The following HK1 variants were observed in gnomAD, a reference collection of about 807,000 sequenced individuals.
HK1 encodes the protein hexokinase 1.
Under a neutral mutation model 91.6 loss-of-function variants are expected in HK1, and 28 were observed. The ratio of observed to expected loss-of-function variants is 0.31; its 90% confidence interval spans 0.23 to 0.42. HK1 has a LOEUF of 0.42. Among genes scored for constraint, HK1 ranks in the 10% least tolerant of loss-of-function variants. The pLI, the probability that HK1 is intolerant of heterozygous loss-of-function variation, is 1.00. For missense variants in HK1, 770 were observed against 1,219.8 expected (o/e 0.63, Z 5.49); for synonymous variants, 430 against 468.1 (o/e 0.92, Z 1.05).
intron 1 of HK1, among the ~76,000 whole-genome samples, chr10:69,322,921 G>A (rs1224277433): frequency 2.0e-5 from 3 of 148,596 alleles, no homozygotes; most frequent in African/African-American, 7.4e-5. Flanking sequence ...ATTCATTATT[G>A]CTCAGGGGTG....
chr10:69,303,193 T>TG (rs983225397), intron 5 of HK1, among the ~76,000 whole-genome samples: 3 of 147,046 alleles, frequency 2.0e-5, no homozygotes, highest in African/African-American at 7.7e-5. Flanking sequence ...GGTAATGTGG[T>TG]GGGGGGAGGG....
At chr10:69,325,495 T>G (rs567712395) in intron 1 of HK1, among the ~76,000 whole-genome samples, 1 of 151,734 alleles carries the variant, frequency 6.6e-6, no homozygotes. Context: ...GTAGCTGGGA[T>G]TACAGGCACC....
rs377549668 is a variant in HK1 at position 69,386,447 on chromosome 10, T to C, written c.1935+29T>C. 12 of 1,549,216 alleles carry C rather than the reference T, an allele frequency of 7.7e-6. No individual in the cohort carries two copies. In the African/African-American group the frequency reaches 1.6e-4, roughly 21 times the overall value. Reference sequence around the variant, plus strand: ...ACTATTAAAAGAATGTTTTTTAAAATCTTTACTGTTTTAGGGGCTTCTAAA... The same window carrying C: ...ACTATTAAAAGAATGTTTTTTAAAACCTTTACTGTTTTAGGGGCTTCTAAA... On this transcript the variant is annotated intron_variant, in intron 13 of 17. Transcript: ENST00000359426.
At chr10:69,285,295 G>T (rs1038445556) in intron 2 of HK1, among the ~76,000 whole-genome samples, 1 of 152,042 alleles carries the variant, frequency 6.6e-6, no homozygotes, top group East Asian at 2.0e-4. Context: ...GAGGTGGCGG[G>T]CGCCTGTAGT....
intron 3 of HK1, chr10:69,292,358 C>A (rs1211273080): frequency 2.2e-6 from 1 of 444,962 alleles, no homozygotes; most frequent in Admixed American, 2.5e-5. Context: ...CAGGTATGAG[C>A]CACTGCACCC....
rs1235470236 is a variant in HK1, at chr10:69,300,658, C to T, written c.-66-111C>T. The stretch of plus-strand genomic sequence containing the variant: ...ACAACAATTTGCCTAGCTCTGTGAT[C>T]ATCCATGATTTCAAATTCGCCAATA... On this transcript the variant is annotated intron_variant, in intron 4 of 21. Transcript: ENST00000360289. The T allele has an allele frequency of 5.0e-5, 39 of 773,780 alleles. No homozygotes were observed. The East Asian group carries it at 9.6e-4, about 19-fold the overall frequency. 47.9% of individuals were successfully genotyped at this position (773,780 alleles called of 1,614,324 possible).
At chr10:69,379,794 T>G (rs1040574029) in intron 8 of HK1, 68 bp from the exon 9 acceptor site, 3 of 1,128,796 alleles carry the variant, frequency 2.7e-6, no homozygotes, top group Non-Finnish European at 1.4e-6. Flanking sequence ...CCAGCACCTT[T>G]GAGCCTCAGT....
chr10:69,280,740 C>G lies in HK1; in HGVS notation c.-390-1789C>G, dbSNP rs73263633. On this transcript the variant is annotated intron_variant, in intron 1 of 21. Coordinates refer to the HK1 transcript ENST00000360289. Reference sequence around the variant, plus strand: ...GCTGGTGACTTAATCTTGGATTTGCCAGCCTCCAGAACTGTGAAACATACA... The same window carrying G: ...GCTGGTGACTTAATCTTGGATTTGCGAGCCTCCAGAACTGTGAAACATACA... Among the ~76,000 whole-genome samples the G allele has an allele frequency of 8.1e-3, 1,240 of 152,262 alleles. 22 individuals are homozygous for G. The highest frequency in any genetic ancestry group is 0.028 in the African/African-American group (1,172 of 41,550).
intron 1 of HK1, among the ~76,000 whole-genome samples, chr10:69,274,021 A>G (rs1945264919): frequency 6.6e-6 from 1 of 152,092 alleles, no homozygotes; most frequent in Non-Finnish European, 1.5e-5. Flanking sequence ...AAGCATAAAT[A>G]GCCATAGAGT....
At chr10:69,375,607 C>G (rs926360015) in intron 7 of HK1, among the ~76,000 whole-genome samples, 1 of 152,184 alleles carries the variant, frequency 6.6e-6, no homozygotes, top group Admixed American at 6.5e-5. Flanking sequence ...GTCTCGGCAG[C>G]ATCCTTGGCT....
intron 1 of HK1, among the ~76,000 whole-genome samples, chr10:69,332,040 C>T (rs1847754857): frequency 6.6e-6 from 1 of 152,184 alleles, no homozygotes; most frequent in South Asian, 2.1e-4. Context: ...CACTGCACTC[C>T]ATTCTGGGTG....
intron 5 of HK1, chr10:69,300,977 GCTCACGCCT>G (rs978733703): frequency 1.6e-6 from 1 of 617,234 alleles, no homozygotes; most frequent in African/African-American, 1.8e-5. Context: ...AGGCACGGTG[GCTCACGCCT>G]GTAATCCCAG....
At chr10:69,294,965 G>T (rs1845482950) in intron 3 of HK1, among the ~76,000 whole-genome samples, 1 of 150,668 alleles carries the variant, frequency 6.6e-6, no homozygotes, top group Admixed American at 6.6e-5. Flanking sequence ...GGAGGTCGAG[G>T]CTGCAGTGAG....
At chr10:69,378,726 CTCT>C (rs944935005) in intron 8 of HK1, among the ~76,000 whole-genome samples, 1 of 152,080 alleles carries the variant, frequency 6.6e-6, no homozygotes, top group Non-Finnish European at 1.5e-5. Context: ...AGCCCCCATC[CTCT>C]TCTATCATTT....
chr10:69,372,970 C>T (rs536663346), intron 7 of HK1, among the ~76,000 whole-genome samples: 7 of 152,162 alleles, frequency 4.6e-5, no homozygotes, highest in Non-Finnish European at 7.4e-5. Flanking sequence ...CCAGGTTCTA[C>T]GTGATTCTCC....
upstream of HK1, chr10:69,318,307 C>G: frequency 1.2e-6 from 1 of 833,174 alleles, no homozygotes; most frequent in Non-Finnish European, 1.4e-6. Flanking sequence ...GCGTCCCCGG[C>G]TCCCGCTTCC....
At chr10:69,336,391 A>AT (rs1398065079) in intron 1 of HK1, among the ~76,000 whole-genome samples, 1 of 151,540 alleles carries the variant, frequency 6.6e-6, no homozygotes, top group East Asian at 1.9e-4. Context: ...GGGTTTCTCC[A>AT]TGTTGGTCAG....
chr10:69,325,944 T>C (rs995150091), intron 1 of HK1, among the ~76,000 whole-genome samples: 2 of 150,638 alleles, frequency 1.3e-5, no homozygotes, highest in Admixed American at 6.6e-5. Flanking sequence ...AAGCGATTCT[T>C]CTGCCTCAGC....
chr10:69,335,678 G>A (rs1847942574), intron 1 of HK1, among the ~76,000 whole-genome samples: 2 of 152,246 alleles, frequency 1.3e-5, no homozygotes, highest in South Asian at 4.1e-4. Flanking sequence ...TCTGCAGACA[G>A]GATGCTGTAA....
Sources: gnomAD v4.1 joint callset for allele counts (sites outside exome capture counted in the v4.1 genomes callset) on GRCh38, gnomAD v4.1.1 for gene constraint, MANE v1.5 for transcripts, NCBI Gene and HGNC (gene_info 2026-07-23, HGNC 2026-07-21) for gene names.